The following PCDHGA9 variants were observed in gnomAD, a reference collection of about 807,000 sequenced individuals.
PCDHGA9 encodes the protein protocadherin gamma-A9.
A neutral mutation model predicts 62.5 loss-of-function variants in PCDHGA9; 37 were observed. That is an observed-to-expected ratio of 0.59 (90% CI 0.46 to 0.78). PCDHGA9 has a LOEUF of 0.78. PCDHGA9 is among the 30% of genes least tolerant of loss of function. PCDHGA9 has a pLI of 0.00. For missense variants in PCDHGA9, 1,138 were observed against 1,166.2 expected (o/e 0.98, Z 0.35); for synonymous variants, 459 against 484.6 (o/e 0.95, Z 0.69).
chr5:141,468,763 G>A (rs1341363934), intron 1 of PCDHGA9, among the ~76,000 whole-genome samples: 1 of 152,078 alleles, frequency 6.6e-6, no homozygotes, highest in Non-Finnish European at 1.5e-5. Flanking sequence ...CTACTCGGGA[G>A]GCTGAGGCAG....
intron 1 of PCDHGA9, among the ~76,000 whole-genome samples, chr5:141,460,478 A>G (rs989135238): frequency 6.6e-5 from 10 of 152,136 alleles, no homozygotes; most frequent in African/African-American, 2.4e-4. Context: ...GGAATATCCA[A>G]TTGTCTCTTT....
At chr5:141,483,840 T>C (rs996866862) in intron 1 of PCDHGA9, among the ~76,000 whole-genome samples, 2 of 152,172 alleles carry the variant, frequency 1.3e-5, no homozygotes, top group South Asian at 2.1e-4. Context: ...AAGGACTTGG[T>C]TGAATTAAGA....
At chr5:141,504,986 AC>A (rs1225847397) in intron 2 of PCDHGA9, among the ~76,000 whole-genome samples, 4 of 151,936 alleles carry the variant, frequency 2.6e-5, no homozygotes, top group Non-Finnish European at 5.9e-5. Context: ...ACATGGTGAA[AC>A]CCCGTCTGTA....
In PCDHGA9 at chr5:141,491,848, C is replaced by A; in HGVS notation, c.2425-2959C>A. 1 of 1,461,478 alleles carries A rather than the reference C, an allele frequency of 6.8e-7. No homozygotes were observed. Among genetic ancestry groups the A allele is most frequent in the Non-Finnish European group, 9.1e-7 (1 of 1,104,578 alleles). The allele number at this position is 1,461,478 out of a possible 1,614,324, so 90.5% of individuals were successfully genotyped here. A position where few individuals can be genotyped will look rare whatever the true frequency, so the allele number is the denominator to read the frequency against. On this transcript the variant is annotated intron_variant, in intron 1 of 3. Transcript: ENST00000573521. This position sits in a 1 kb window ranked among gnomAD's most constrained non-coding sequence, Gnocchi z 6.9. ...CACCCGATTCTCGGGATCATTGGAC[C>A]GTTTGCGCGAAACCAGAGTGGCCGA...
chr5:141,506,266 T>A (rs1397052417), intron 3 of PCDHGA9, among the ~76,000 whole-genome samples: 1 of 151,862 alleles, frequency 6.6e-6, no homozygotes, highest in Non-Finnish European at 1.5e-5. Context: ...CTGGCCAACA[T>A]AGTGAAACCC....
intron 1 of PCDHGA9, among the ~76,000 whole-genome samples, chr5:141,407,339 T>C (rs958646781): frequency 3.3e-5 from 5 of 152,222 alleles, no homozygotes; most frequent in Non-Finnish European, 7.3e-5. Context: ...TTGAAATGTA[T>C]GTTAATTTGG....
rs1316659737 is a variant in PCDHGA9 at position 141,490,964 on chromosome 5, C to T, written c.2425-3843C>T. ...CCACGGCCAGACTGGGAACACTCAG[C>T]CCCCCAGCGTCTCCCTCGCTCTGCT... On this transcript the variant is annotated intron_variant, in intron 1 of 3. Transcript: ENST00000573521. The surrounding 1 kb of genome is among the most constrained non-coding windows in gnomAD (Gnocchi z 5.4). 2.5e-6 allele frequency: 4 copies of T among 1,613,608 alleles called. No homozygotes were observed. Among genetic ancestry groups the T allele is most frequent in the East Asian group, 2.2e-5 (1 of 44,882 alleles).
At chr5:141,421,770 G>T in intron 1 of PCDHGA9, 6 of 1,613,856 alleles carry the variant, frequency 3.7e-6, no homozygotes, top group East Asian at 2.2e-5. Context: ...ACTTTTCCTT[G>T]CAACTGCGGG....
chr5:141,455,627 A>G (rs1426625737), intron 1 of PCDHGA9, among the ~76,000 whole-genome samples: 2 of 152,104 alleles, frequency 1.3e-5, no homozygotes, highest in East Asian at 3.9e-4. Context: ...ACACGTGGAG[A>G]TATGTGGGGG....
In PCDHGA9 at chr5:141,404,752, G is replaced by A. The variant is rs774409689; in HGVS notation, c.1800G>A (p.Gln600=). ...KVVAVDRDSG[Q]NAWLSYRLFK... Reference sequence around the variant, plus strand: ...TGGCAGTGGACAGAGACTCAGGCCAGAATGCTTGGCTCTCCTACCGCCTAT... The same window carrying A: ...TGGCAGTGGACAGAGACTCAGGCCAAAATGCTTGGCTCTCCTACCGCCTAT... Residue 600 remains glutamine (Q), a synonymous_variant, in exon 1 of 4, where the codon CAG becomes CAA. Coordinates refer to ENST00000573521, the MANE Select transcript of PCDHGA9 (RefSeq NM_018921.3). The A allele has an allele frequency of 6.2e-7, 1 of 1,614,010 alleles. No homozygotes were observed. Among genetic ancestry groups the A allele is most frequent in the Non-Finnish European group, 8.5e-7 (1 of 1,180,038 alleles).
In PCDHGA9 at chr5:141,403,177, C is replaced by T; in HGVS notation, c.225C>T (p.Phe75=). ...TCTCTAGAGGTAGGACGCAGCTTTT[C>T]TCTCTGAACCCGCGCAGCGGCACCT... ...RIVSRGRTQL[F]SLNPRSGTLV... is the part of the protein sequence containing the mutation. The change falls in exon 1 of 4, where the codon TTC becomes TTT. Residue 75 remains phenylalanine, a synonymous_variant. Coordinates refer to ENST00000573521, the MANE Select transcript of PCDHGA9 (RefSeq NM_018921.3). 3 of 1,614,008 alleles carry T rather than the reference C, an allele frequency of 1.9e-6. No homozygotes were observed. Among genetic ancestry groups the T allele is most frequent in the Non-Finnish European group, 2.5e-6 (3 of 1,179,906 alleles).
At position 141,423,009 on chromosome 5, in the gene PCDHGA9, G is replaced by A. The variant is rs371209178; in HGVS notation, c.2424+17633G>A. 28 of 1,614,222 alleles carry A rather than the reference G, an allele frequency of 1.7e-5. No individual in the cohort carries two copies. The East Asian group carries it at 4.9e-4, about 28-fold the overall frequency. On this transcript the variant is annotated intron_variant, in intron 1 of 3. Transcript: ENST00000573521. ...GCTACCTGGTGACCAAGGTGGTTGC[G>A]GTGGACAAAGATTCAGGCCAGAACG...
At chr5:141,451,004 T>A (rs2098704048) in intron 1 of PCDHGA9, among the ~76,000 whole-genome samples, 1 of 151,474 alleles carries the variant, frequency 6.6e-6, no homozygotes, top group South Asian at 2.1e-4. Flanking sequence ...TTTTTGTATT[T>A]TTTTTAGTAG....
At chr5:141,420,050 C>T in intron 1 of PCDHGA9, 1 of 1,614,076 alleles carries the variant, frequency 6.2e-7, no homozygotes, top group Non-Finnish European at 8.5e-7. Flanking sequence ...TGAGTCAGTT[C>T]TCTGCTCCAA....
At position 141,431,337 on chromosome 5, in the gene PCDHGA9, A is replaced by C. The variant is rs1412811147; in HGVS notation, c.2424+25961A>C. On this transcript the variant is annotated intron_variant, in intron 1 of 3. Coordinates refer to ENST00000573521, the MANE Select transcript of PCDHGA9 (RefSeq NM_018921.3). The surrounding 1 kb of genome is among the most constrained non-coding windows in gnomAD (Gnocchi z 4.8). ...GGAGCCGACGGTAGTAAGTACCCCG[A>C]ATTGGTGCTGAAACGCGCCCTGGAC... 6.2e-7 allele frequency: 1 copy of C among 1,613,926 alleles called. No homozygotes were observed. The highest frequency in any genetic ancestry group is 1.7e-5 in the Admixed American group (1 of 60,006).
At position 141,476,477 on chromosome 5, in the gene PCDHGA9, G is replaced by A; in HGVS notation, c.2425-18330G>A. 1.2e-6 allele frequency: 2 copies of A among 1,614,078 alleles called. No individual in the cohort carries two copies. Among genetic ancestry groups the A allele is most frequent in the South Asian group, 1.1e-5 (1 of 91,070 alleles). ...GGAGAACCCGCTGGAGCTGTTCAGC[G>A]TGGAAGTGGTGATCCAGGACATCAA... On this transcript the variant is annotated intron_variant, in intron 1 of 3. Transcript: ENST00000573521. This position sits in a 1 kb window ranked among gnomAD's most constrained non-coding sequence, Gnocchi z 7.6.
chr5:141,441,840 C>T (rs2098278154), intron 1 of PCDHGA9: 1 of 355,864 alleles, frequency 2.8e-6, no homozygotes, highest in Non-Finnish European at 5.5e-6. Flanking sequence ...GCTTCGCGCT[C>T]TTGGATATGG....
chr5:141,422,907 G>C (rs1330364637), intron 1 of PCDHGA9: 4 of 1,614,078 alleles, frequency 2.5e-6, no homozygotes, highest in Non-Finnish European at 3.4e-6. Flanking sequence ...ACGACAATGC[G>C]CCCGAGATCC....
At chr5:141,510,311 C>T (rs375516156) in intron 3 of PCDHGA9, among the ~76,000 whole-genome samples, 98 of 151,056 alleles carry the variant, frequency 6.5e-4, no homozygotes, top group African/African-American at 2.3e-3. Flanking sequence ...GAAATGGAGG[C>T]TTGGAAGAGC....
Sources: allele counts gnomAD v4.1 joint callset (sites outside exome capture counted in the v4.1 genomes callset), GRCh38; gene constraint gnomAD v4.1.1; non-coding constraint Gnocchi (gnomAD v3.1); transcripts MANE v1.5; gene names NCBI Gene and HGNC (gene_info 2026-07-23, HGNC 2026-07-21).